Variants in CSMD1 observed in about 807,000 individuals in gnomAD.
CSMD1 encodes CUB and Sushi multiple domains 1.
CSMD1 carries 213 observed loss-of-function variants against 417.5 expected under a neutral mutation model. The ratio of observed to expected loss-of-function variants is 0.51; its 90% CI spans 0.46 to 0.57. The LOEUF (loss-of-function observed/expected upper bound fraction) is 0.57, where lower values mean the gene tolerates loss of function less well. CSMD1 is among the 20% of genes least tolerant of loss of function. The pLI is 0.00. For missense variants in CSMD1, 6,923 were observed against 4,529.7 expected, an observed-to-expected ratio of 1.53 and a Z score of -15.17; for synonymous variants, 2,862 against 1,736.8, an observed-to-expected ratio of 1.65 and a Z score of -16.11.
intron 1 of CSMD1, among the ~76,000 whole-genome samples, chr8:4,944,004 G>T (rs937039459): frequency 6.6e-6 from 1 of 152,126 alleles, no homozygotes; most frequent in Non-Finnish European, 1.5e-5. Flanking sequence ...TATTTGAGTA[G>T]TAAAAAAGAC....
chr8:3,542,037 T>C (rs1383297953), intron 10 of CSMD1, among the ~76,000 whole-genome samples: 2 of 152,160 alleles, frequency 1.3e-5, no homozygotes, highest in East Asian at 1.9e-4. Flanking sequence ...ATATTTGTTG[T>C]TAATTATCTA....
At chr8:4,040,073 C>G (rs1189295050) in intron 3 of CSMD1, among the ~76,000 whole-genome samples, 1 of 152,066 alleles carries the variant, frequency 6.6e-6, no homozygotes, top group Admixed American at 6.5e-5. Flanking sequence ...GGAAATAATA[C>G]AATTTTCAAA....
At chr8:3,285,798 T>C (rs1459260417) in intron 25 of CSMD1, among the ~76,000 whole-genome samples, 1 of 151,736 alleles carries the variant, frequency 6.6e-6, no homozygotes, top group Non-Finnish European at 1.5e-5. Flanking sequence ...ACTCTGAAGT[T>C]GTAATGTAAT....
chr8:2,960,965 TAC>T (rs1554472496), intron 62 of CSMD1, among the ~76,000 whole-genome samples, 174 bp downstream of exon 62: 1 of 131,054 alleles, frequency 7.6e-6, no homozygotes, highest in South Asian at 2.2e-4. Context: ...TATATATATA[TAC>T]ATATATTGAT....
rs182343477 is a variant in CSMD1 at position 3,454,780 on chromosome 8, A to G, written c.1561+13932T>C. 2.1e-3 allele frequency among the ~76,000 whole-genome samples: 315 copies of G among 152,186 alleles called. 1 individual carries two copies. Among genetic ancestry groups the G allele is most frequent in the African/African-American group, 7.4e-3 (306 of 41,518 alleles). ...CATCTCTACTTTGCTGAATCTGACA[A>G]TTATGTGTCTTTGAGTTGCTCTTCT... On this transcript the variant is annotated intron_variant, in intron 12 of 69. Coordinates refer to ENST00000635120, the MANE Select transcript of CSMD1 (RefSeq NM_033225.6).
At chr8:4,240,637 G>A (rs1802343674) in intron 3 of CSMD1, among the ~76,000 whole-genome samples, 1 of 152,100 alleles carries the variant, frequency 6.6e-6, no homozygotes. Context: ...CATTCCCAGT[G>A]CCTTTCAACA....
At chr8:4,177,672 T>G (rs1798127932) in intron 3 of CSMD1, among the ~76,000 whole-genome samples, 1 of 141,014 alleles carries the variant, frequency 7.1e-6, no homozygotes, top group Non-Finnish European at 1.5e-5. Context: ...ACAAAATTGA[T>G]AGACCGCTAG....
intron 41 of CSMD1, among the ~76,000 whole-genome samples, chr8:3,138,090 G>A (rs1156766380): frequency 6.6e-6 from 1 of 152,208 alleles, no homozygotes; most frequent in Non-Finnish European, 1.5e-5. Flanking sequence ...GCCAGGCATG[G>A]TGGCGGGTGC....
At chr8:4,250,857 A>G (rs1282585975) in intron 3 of CSMD1, among the ~76,000 whole-genome samples, 1 of 152,210 alleles carries the variant, frequency 6.6e-6, no homozygotes, top group East Asian at 1.9e-4. Flanking sequence ...CCTTGTCACT[A>G]TTTACAGGGT....
intron 12 of CSMD1, among the ~76,000 whole-genome samples, chr8:3,415,394 G>A (rs578205074): frequency 3.3e-5 from 5 of 152,198 alleles, no homozygotes; most frequent in African/African-American, 1.2e-4. Context: ...GCCTCGCTCT[G>A]TCACCCAGGC....
chr8:3,348,110 T>C lies in CSMD1; in HGVS notation c.3356A>G (p.Asn1119Ser). ...GTTATTATCATAATTGGATGGAAAATTTGGAGACAGTAATGTTCCTTCATT... is the reference window on the plus strand; with the variant it reads ...GTTATTATCATAATTGGATGGAAAACTTGGAGACAGTAATGTTCCTTCATT... ...KGNEGTLLSP[N>S]FPSNYDNNHE... The change falls in exon 22 of 70, where the codon AAT (asparagine) becomes AGT (serine). Residue 1119 changes from asparagine (N) to serine (S), a missense_variant. Physicochemically the swap from Asn to Ser is conservative, Grantham distance 46 (BLOSUM62 1). Transcript: ENST00000635120. 6.2e-7 allele frequency: 1 copy of C among 1,612,926 alleles called. No homozygotes were observed. Among genetic ancestry groups the C allele is most frequent in the Non-Finnish European group, 8.5e-7 (1 of 1,179,424 alleles).
intron 5 of CSMD1, among the ~76,000 whole-genome samples, chr8:3,892,100 C>T (rs1807015063): frequency 6.6e-6 from 1 of 151,780 alleles, no homozygotes; most frequent in African/African-American, 2.4e-5. Flanking sequence ...GTTTCCTATT[C>T]AGGCAGGACA....
chr8:4,610,967 T>C (rs955202867), intron 2 of CSMD1, among the ~76,000 whole-genome samples: 1 of 152,238 alleles, frequency 6.6e-6, no homozygotes, highest in African/African-American at 2.4e-5. Flanking sequence ...TTTTAAAACT[T>C]AGTATCTGCA....
intron 54 of CSMD1, among the ~76,000 whole-genome samples, chr8:2,983,386 C>G (rs1333675174): frequency 1.3e-5 from 2 of 152,082 alleles, no homozygotes; most frequent in Non-Finnish European, 2.9e-5. Flanking sequence ...CAGAGTTTCA[C>G]TGTATTAGCC....
chr8:4,069,683 T>A (rs1424284383), intron 3 of CSMD1, among the ~76,000 whole-genome samples: 1 of 152,106 alleles, frequency 6.6e-6, no homozygotes, highest in South Asian at 2.1e-4. Context: ...CTGGATTGCA[T>A]TCTCATGTTA....
intron 10 of CSMD1, among the ~76,000 whole-genome samples, chr8:3,522,084 T>C (rs1464011135): frequency 2.0e-5 from 3 of 152,252 alleles, no homozygotes; most frequent in African/African-American, 2.4e-5. Flanking sequence ...GGGATGTTTA[T>C]CTAAATTGCA....
At chr8:4,424,882 C>T (rs1197637891) in intron 2 of CSMD1, among the ~76,000 whole-genome samples, 3 of 151,988 alleles carry the variant, frequency 2.0e-5, no homozygotes, top group Admixed American at 1.3e-4. Context: ...CTTTTAACTA[C>T]ATGTGAATCT....
intron 2 of CSMD1, among the ~76,000 whole-genome samples, chr8:4,486,178 T>C (rs373435178): frequency 9.7e-5 from 1 of 10,362 alleles, no homozygotes; most frequent in Non-Finnish European, 1.8e-4. Flanking sequence ...TATATATACA[T>C]ACATATATAT....
chr8:3,965,537 C>A (rs115052709), intron 5 of CSMD1, among the ~76,000 whole-genome samples: 1 of 152,274 alleles, frequency 6.6e-6, no homozygotes, highest in East Asian at 1.9e-4. Context: ...AGAGCCTGAA[C>A]AACTAGGTCA....
Sources: allele counts gnomAD v4.1 joint callset (sites outside exome capture counted in the v4.1 genomes callset), GRCh38; gene constraint gnomAD v4.1.1; transcripts MANE v1.5; gene names NCBI Gene and HGNC (gene_info 2026-07-23, HGNC 2026-07-21).